The following PPP3CA variants were observed in gnomAD, a reference collection of about 807,000 sequenced individuals.
PPP3CA encodes CAM-PRP catalytic subunit.
In PPP3CA, 14 loss-of-function variants were observed where a neutral mutation model predicts 66.5. The ratio of observed to expected loss-of-function variants is 0.21; its 90% CI spans 0.14 to 0.33. PPP3CA has a LOEUF of 0.33. PPP3CA is among the 10% of genes least tolerant of loss of function. PPP3CA has a pLI of 1.00. For synonymous variants in PPP3CA, 232 were observed against 226.2 expected, an observed-to-expected ratio of 1.03 and a Z score of -0.23; for missense variants, 317 against 639.5, an observed-to-expected ratio of 0.50 and a Z score of 5.44.
rs551095362 is a variant in PPP3CA, at chr4:101,288,381, C to A, written c.58+58358G>T. On this transcript the variant is annotated intron_variant, in intron 1 of 13. Coordinates refer to ENST00000394854, the MANE Select transcript of PPP3CA (RefSeq NM_000944.5). ...GCAAAATTAATGGTTACCTACCCCC[C>A]AAAAATTGCAAGGCTGTCATTACAA... Among the ~76,000 whole-genome samples, 426 of 152,196 alleles carry A rather than the reference C, an allele frequency of 2.8e-3. 2 individuals carry two copies. Among genetic ancestry groups the A allele is most frequent in the Non-Finnish European group, 5.0e-3 (341 of 68,016 alleles).
At chr4:101,031,428 A>G (rs1301177311) in intron 12 of PPP3CA, among the ~76,000 whole-genome samples, 1 of 152,214 alleles carries the variant, frequency 6.6e-6, no homozygotes, top group African/African-American at 2.4e-5. Context: ...TAATAATAGT[A>G]GTTAAAATTG....
At chr4:101,050,452 C>T (rs967070281) in intron 10 of PPP3CA, among the ~76,000 whole-genome samples, 2 of 152,152 alleles carry the variant, frequency 1.3e-5, no homozygotes, top group African/African-American at 2.4e-5. Context: ...CTATCATTTA[C>T]CAGCTGTGCT....
chr4:101,330,879 G>C (rs149658799), intron 1 of PPP3CA, among the ~76,000 whole-genome samples: 17 of 151,872 alleles, frequency 1.1e-4, no homozygotes, highest in Admixed American at 2.0e-4. Flanking sequence ...TTTATGTTTT[G>C]GATCGTTTGT....
At position 101,200,535 on chromosome 4, in the gene PPP3CA, T is replaced by C. The variant is rs575434994; in HGVS notation, c.59-4419A>G. Among the ~76,000 whole-genome samples the C allele has an allele frequency of 2.0e-4, 30 of 152,310 alleles. 1 individual carries two copies. The South Asian group carries it at 5.4e-3, about 27-fold the overall frequency. The stretch of plus-strand genomic sequence containing the variant: ...CTCACCTCTTCCTGGAGTAGTCCTA[T>C]AAATGCTGACAAAAAAGATTCAAGA... On this transcript the variant is annotated intron_variant, in intron 1 of 13. Coordinates refer to ENST00000394854, the MANE Select transcript of PPP3CA (RefSeq NM_000944.5).
intron 10 of PPP3CA, among the ~76,000 whole-genome samples, chr4:101,040,878 A>G (rs564413046): frequency 6.6e-6 from 1 of 152,206 alleles, no homozygotes; most frequent in South Asian, 2.1e-4. Context: ...CTTCCAATTG[A>G]CTTTCCCCTT....
rs545445607 is a variant in PPP3CA, at chr4:101,187,948, C to T, written c.259+7968G>A. Among the ~76,000 whole-genome samples the T allele has an allele frequency of 9.9e-5, 15 of 152,156 alleles. No individual in the cohort carries two copies. In the South Asian group the frequency reaches 3.1e-3, roughly 32 times the overall value. On this transcript the variant is annotated intron_variant, in intron 2 of 13. Coordinates refer to ENST00000394854, the MANE Select transcript of PPP3CA (RefSeq NM_000944.5). ...AACGATCCTTTGTTTGAAATGAAAA[C>T]AAATGTCTGCATGTCATTTCAAAAA...
intron 1 of PPP3CA, among the ~76,000 whole-genome samples, chr4:101,326,362 T>C (rs900173892): frequency 2.0e-5 from 3 of 152,148 alleles, no homozygotes; most frequent in African/African-American, 7.2e-5. Flanking sequence ...AGAACAGATT[T>C]CCATATTAAC....
chr4:101,237,359 G>A (rs2110230059), intron 1 of PPP3CA, among the ~76,000 whole-genome samples: 1 of 151,972 alleles, frequency 6.6e-6, no homozygotes, highest in African/African-American at 2.4e-5. Context: ...GTATTCCAGG[G>A]AGTGGTGAGT....
intron 10 of PPP3CA, among the ~76,000 whole-genome samples, chr4:101,044,883 T>C (rs1373269242): frequency 6.6e-6 from 1 of 152,222 alleles, no homozygotes; most frequent in Admixed American, 6.5e-5. Flanking sequence ...TCTAAGTGAC[T>C]GTTGCAACGC....
At chr4:101,274,861 C>G (rs146485796) in intron 1 of PPP3CA, among the ~76,000 whole-genome samples, 1 of 152,116 alleles carries the variant, frequency 6.6e-6, no homozygotes, top group Non-Finnish European at 1.5e-5. Context: ...ACAAACCTAA[C>G]AGGTGCTTTC....
At chr4:101,083,124 A>G in intron 7 of PPP3CA, 62 bp downstream of exon 7, 1 of 1,277,606 alleles carries the variant, frequency 7.8e-7, no homozygotes, top group Non-Finnish European at 1.0e-6. Flanking sequence ...AGCCTAAGCA[A>G]AGTGAGGAAG....
chr4:101,067,888 G>T (rs974703391), intron 8 of PPP3CA, among the ~76,000 whole-genome samples: 29 of 151,682 alleles, frequency 1.9e-4, no homozygotes, highest in Non-Finnish European at 5.9e-5. Context: ...GCTAACAAGT[G>T]GTATTAACCA....
At chr4:101,222,102 TA>T (rs1419798235) in intron 1 of PPP3CA, among the ~76,000 whole-genome samples, 1 of 151,668 alleles carries the variant, frequency 6.6e-6, no homozygotes, top group Admixed American at 6.6e-5. Context: ...AAATGCATTC[TA>T]AAAATACTTT....
chr4:101,180,323 G>A (rs1724194813), intron 2 of PPP3CA, among the ~76,000 whole-genome samples: 1 of 152,060 alleles, frequency 6.6e-6, no homozygotes. Context: ...TTCTACTCAT[G>A]ATCTAAGAAT....
chr4:101,267,109 T>C (rs1021469983), intron 1 of PPP3CA, among the ~76,000 whole-genome samples: 7 of 152,226 alleles, frequency 4.6e-5, no homozygotes, highest in Admixed American at 6.5e-5. Context: ...ATAATATGTA[T>C]ACACAGATTT....
chr4:101,146,802 GAT>G (rs1291557291), intron 2 of PPP3CA, among the ~76,000 whole-genome samples: 1 of 152,094 alleles, frequency 6.6e-6, no homozygotes, highest in African/African-American at 2.4e-5. Context: ...ATACAGTACA[GAT>G]TGAATATCCC....
At chr4:101,187,627 T>C (rs1488647024) in intron 2 of PPP3CA, among the ~76,000 whole-genome samples, 2 of 152,160 alleles carry the variant, frequency 1.3e-5, no homozygotes, top group African/African-American at 4.8e-5. Flanking sequence ...GTTTAAAACA[T>C]AAGAAAGAGA....
chr4:101,091,870 A>G lies in PPP3CA; in HGVS notation c.782+1906T>C, dbSNP rs577516064. On this transcript the variant is annotated intron_variant, in intron 6 of 13. Coordinates refer to ENST00000394854, the MANE Select transcript of PPP3CA (RefSeq NM_000944.5). ...ATAATAATAATAATAATAATGAAGA[A>G]GAGGAGGAGGAGGAGGAGGAAGGAG... is the stretch of plus-strand genomic sequence containing the variant. Among the ~76,000 whole-genome samples, 582 of 144,162 alleles carry G rather than the reference A, an allele frequency of 4.0e-3. 5 individuals are homozygous for G. Among genetic ancestry groups the G allele is most frequent in the African/African-American group, 0.015 (551 of 37,734 alleles). The allele number at this position is 144,162 out of a possible 152,430, so 94.6% of individuals were successfully genotyped here. A position where few individuals can be genotyped will look rare whatever the true frequency, so the allele number is the denominator to read the frequency against.
At chr4:101,242,059 C>T (rs559967253) in intron 1 of PPP3CA, among the ~76,000 whole-genome samples, 173 of 152,192 alleles carry the variant, frequency 1.1e-3, no homozygotes, top group Non-Finnish European at 1.9e-3. Context: ...CTTCAAAATA[C>T]TTCCTTCTCT....
Sources: allele counts gnomAD v4.1 joint callset (sites outside exome capture counted in the v4.1 genomes callset), GRCh38; gene constraint gnomAD v4.1.1; transcripts MANE v1.5; gene names NCBI Gene and HGNC (gene_info 2026-07-23, HGNC 2026-07-21).